Variants in TEF observed in about 807,000 individuals in gnomAD.
TEF encodes TEF transcription factor, PAR bZIP family member, also known as thyrotroph embryonic factor.
A neutral mutation model predicts 20.8 loss-of-function variants in TEF; 3 were observed. The observed-to-expected ratio is 0.14, with a 90% CI of 0.07 to 0.37. TEF has a LOEUF of 0.37. TEF is among the 10% of genes least tolerant of loss of function. The pLI, the probability that TEF is intolerant of heterozygous loss-of-function variation, is 1.00. For missense variants in TEF, 296 were observed against 397.9 expected (o/e 0.74, Z 2.18); for synonymous variants, 180 against 171.1 (o/e 1.05, Z -0.41).
At chr22:41,391,884 G>A (rs138042509) in intron 2 of TEF, among the ~76,000 whole-genome samples, 109 of 152,294 alleles carry the variant, frequency 7.2e-4, no homozygotes, top group Admixed American at 2.9e-3. Flanking sequence ...GCCTCCCAGA[G>A]TGCTGAGATT....
intron 1 of TEF, chr22:41,368,939 A>C: frequency 2.3e-6 from 1 of 431,754 alleles, no homozygotes. Flanking sequence ...GCCACAGCTG[A>C]CTTTTTTGGC....
Position 41,393,773 on chromosome 22 carries a change from CAAA to C in TEF, c.476-304_476-302del, listed in dbSNP as rs879096914. Among the ~76,000 whole-genome samples, 274 of 60,302 alleles carry C rather than the reference CAAA, an allele frequency of 4.5e-3. 2 individuals are homozygous for C. The highest frequency in any genetic ancestry group is 0.011 in the Middle Eastern group (1 of 94). The allele number at this position is 60,302 out of a possible 152,430, so 39.6% of individuals were successfully genotyped here. ...GGGCGACAGAGCAAGACTCCCATCT[CAAA>C]AAAAAAAAAAAAAAAAAATTAATGT... On this transcript the variant is annotated intron_variant, in intron 2 of 3. Coordinates refer to ENST00000266304, the MANE Select transcript of TEF (RefSeq NM_003216.4).
chr22:41,391,783 C>T (rs1455834216), intron 2 of TEF, among the ~76,000 whole-genome samples: 2 of 152,112 alleles, frequency 1.3e-5, no homozygotes, highest in Admixed American at 1.3e-4. Flanking sequence ...CCATCACGCC[C>T]AGCTAATTTT....
intron 1 of TEF, chr22:41,367,686 C>T: frequency 7.4e-7 from 1 of 1,349,792 alleles, no homozygotes; most frequent in Non-Finnish European, 1.0e-6. Flanking sequence ...GCAGGACAGG[C>T]ATCTCCAAGC....
chr22:41,386,781 T>C (rs1375333239), intron 1 of TEF, among the ~76,000 whole-genome samples: 1 of 151,870 alleles, frequency 6.6e-6, no homozygotes, highest in Non-Finnish European at 1.5e-5. Context: ...AGGCCAGGCA[T>C]AGTGGCTCAT....
At chr22:41,373,833 G>A (rs562932915) in intron 1 of TEF, among the ~76,000 whole-genome samples, 4 of 148,520 alleles carry the variant, frequency 2.7e-5, no homozygotes, top group South Asian at 2.1e-4. Flanking sequence ...GTGTGGCCTC[G>A]GCTCACTGCA....
intron 2 of TEF, among the ~76,000 whole-genome samples, chr22:41,388,901 G>A (rs533278181): frequency 2.6e-5 from 4 of 151,760 alleles, no homozygotes; most frequent in South Asian, 4.2e-4. Context: ...AGTAAGAGAC[G>A]ACTATAATGA....
upstream of TEF, among the ~76,000 whole-genome samples, chr22:41,380,832 G>T (rs1182823163): frequency 3.3e-5 from 5 of 152,192 alleles, no homozygotes; most frequent in Non-Finnish European, 2.9e-5. Context: ...CCCACAAAAC[G>T]TGGCATCGGT....
intron 1 of TEF, among the ~76,000 whole-genome samples, chr22:41,383,360 CA>C (rs1348582616): frequency 6.6e-6 from 1 of 152,112 alleles, no homozygotes; most frequent in Non-Finnish European, 1.5e-5. Context: ...TGCTTTGTTC[CA>C]AATCTGGGGC....
At position 41,397,933 on chromosome 22, in the gene TEF, A is replaced by G. The variant is rs1227509237; in HGVS notation, c.*1973A>G. 1 of 152,070 alleles carries G rather than the reference A, an allele frequency of 6.6e-6. No individual in the cohort carries two copies. Among genetic ancestry groups the G allele is most frequent in the African/African-American group, 2.4e-5 (1 of 41,394 alleles). 9.4% of individuals were successfully genotyped at this position (152,070 alleles called of 1,614,324 possible). On this transcript the variant is annotated 3_prime_UTR_variant, in exon 4 of 4. Transcript: ENST00000266304. ...TTTTTGCAGTTTTATTTTTTTAAGG[A>G]TGGACACTAAATCTCTGGTGTCCAT... is the stretch of plus-strand genomic sequence containing the variant.
chr22:41,387,036 C>T (rs2037106130), intron 1 of TEF, among the ~76,000 whole-genome samples: 1 of 152,104 alleles, frequency 6.6e-6, no homozygotes, highest in African/African-American at 2.4e-5. Context: ...GAGCAAAATA[C>T]TGTCTCAAAA....
intron 2 of TEF, among the ~76,000 whole-genome samples, chr22:41,393,873 T>C (rs1447329592): frequency 6.6e-6 from 1 of 152,190 alleles, no homozygotes; most frequent in African/African-American, 2.4e-5. Context: ...TCTGTTTCCT[T>C]TTGAGCATTC....
chr22:41,381,941 C>G, upstream of TEF: 1 of 1,226,324 alleles, frequency 8.2e-7, no homozygotes, highest in Non-Finnish European at 1.0e-6. Context: ...TGGGCGCCTG[C>G]GCAGTAGCTG....
intron 1 of TEF, among the ~76,000 whole-genome samples, chr22:41,376,778 C>T (rs1441219332): frequency 6.6e-6 from 1 of 152,196 alleles, no homozygotes; most frequent in African/African-American, 2.4e-5. Flanking sequence ...CCGTGCCAGG[C>T]GGGCACTTGG....
chr22:41,373,783 T>C (rs2036909679), intron 1 of TEF, among the ~76,000 whole-genome samples: 1 of 150,154 alleles, frequency 6.7e-6, no homozygotes, highest in Non-Finnish European at 1.5e-5. Flanking sequence ...TTTTTTTTTT[T>C]TGGAGACGGA....
At chr22:41,382,730 A>G (rs941123845) in intron 1 of TEF, among the ~76,000 whole-genome samples, 2 of 151,552 alleles carry the variant, frequency 1.3e-5, no homozygotes, top group Non-Finnish European at 2.9e-5. Flanking sequence ...GAGTAGCGCC[A>G]GCTACTAGGT....
intron 1 of TEF, among the ~76,000 whole-genome samples, chr22:41,368,438 G>T (rs1008884007): frequency 2.0e-5 from 3 of 151,950 alleles, no homozygotes; most frequent in African/African-American, 7.3e-5. Flanking sequence ...ATCCTGCTGT[G>T]CCAGCACCTG....
intron 2 of TEF, among the ~76,000 whole-genome samples, chr22:41,393,659 G>C (rs1241782389): frequency 2.0e-5 from 3 of 151,540 alleles, no homozygotes; most frequent in Non-Finnish European, 4.4e-5. Context: ...TGTAGTCCCA[G>C]CTACTCAGGA....
At chr22:41,388,086 C>T (rs1457346506) in intron 2 of TEF, among the ~76,000 whole-genome samples, 4 of 147,920 alleles carry the variant, frequency 2.7e-5, no homozygotes, top group African/African-American at 9.9e-5. Context: ...CCACCTCCAC[C>T]TCCTGGGTTC....
Sources: allele counts gnomAD v4.1 joint callset (sites outside exome capture counted in the v4.1 genomes callset), GRCh38; gene constraint gnomAD v4.1.1; transcripts MANE v1.5; gene names NCBI Gene and HGNC (gene_info 2026-07-23, HGNC 2026-07-21).